RAD51B: variants seen among roughly 807,000 people sequenced by gnomAD.
RAD51B encodes DNA repair protein RAD51 homolog 2.
A neutral mutation model predicts 42.2 loss-of-function variants in RAD51B; 38 were observed. The observed-to-expected ratio is 0.90, with a 90% CI of 0.70 to 1.18. The LOEUF is 1.18. Among genes scored for constraint, RAD51B ranks in the 50% most tolerant of loss-of-function variants. RAD51B has a pLI of 0.00. For synonymous variants in RAD51B, 154 were observed against 145.2 expected (o/e 1.06, Z -0.43); for missense variants, 373 against 400.7 (o/e 0.93, Z 0.59).
At chr14:68,461,483 C>A (rs1231829975) in intron 9 of RAD51B, among the ~76,000 whole-genome samples, 5 of 152,088 alleles carry the variant, frequency 3.3e-5, no homozygotes, top group Non-Finnish European at 7.4e-5. Flanking sequence ...TAGTACAGAA[C>A]CAGGTAGCCT....
At chr14:68,219,091 A>ATAGCTAAAACTCC (rs1215147423) in intron 7 of RAD51B, among the ~76,000 whole-genome samples, 5 of 152,220 alleles carry the variant, frequency 3.3e-5, no homozygotes, top group African/African-American at 7.2e-5. Flanking sequence ...GAACTTCTAA[A>ATAGCTAAAACTCC]TAGCTAAAAC....
chr14:68,107,805 A>T (rs993134970), intron 7 of RAD51B, among the ~76,000 whole-genome samples: 4 of 151,866 alleles, frequency 2.6e-5, no homozygotes, highest in Non-Finnish European at 5.9e-5. Flanking sequence ...AGAACACATC[A>T]AATGGATCAG....
At chr14:68,296,909 T>C (rs1195874492) in intron 8 of RAD51B, among the ~76,000 whole-genome samples, 1 of 152,144 alleles carries the variant, frequency 6.6e-6, no homozygotes, top group Non-Finnish European at 1.5e-5. Context: ...TGTGGATAGG[T>C]CAAGGAAAGA....
chr14:68,049,199 G>C (rs984498227), intron 7 of RAD51B, among the ~76,000 whole-genome samples: 1 of 151,872 alleles, frequency 6.6e-6, no homozygotes, highest in Non-Finnish European at 1.5e-5. Context: ...ACACACTGGG[G>C]CCTGTTGTGG....
intron 8 of RAD51B, among the ~76,000 whole-genome samples, chr14:68,398,816 A>C (rs2084001772): frequency 1.3e-5 from 2 of 152,338 alleles, no homozygotes; most frequent in South Asian, 4.1e-4. Flanking sequence ...ATACAAATGC[A>C]TGCATGATGG....
chr14:68,642,838 G>A (rs775184631), intron 10 of RAD51B, among the ~76,000 whole-genome samples: 11 of 152,194 alleles, frequency 7.2e-5, no homozygotes, highest in South Asian at 2.1e-4. Flanking sequence ...TTTAAATTTC[G>A]TCTAAGATTT....
At position 68,509,628 on chromosome 14, in the gene RAD51B, C is replaced by G. The variant is rs545409953; in HGVS notation, c.1036+41378C>G. Among the ~76,000 whole-genome samples the G allele has an allele frequency of 5.9e-5, 9 of 152,286 alleles. No homozygotes were observed. In the South Asian group the frequency reaches 1.5e-3, roughly 25 times the overall value. ...GAATGGAGTAAATCCTAAATCCATC[C>G]CTTGTTAACAGGCTTGTAAGTGGAA... On this transcript the variant is annotated intron_variant, in intron 10 of 10. Transcript: ENST00000487270.
chr14:68,498,352 C>T (rs935440899), intron 10 of RAD51B, among the ~76,000 whole-genome samples: 2 of 152,246 alleles, frequency 1.3e-5, no homozygotes, highest in African/African-American at 2.4e-5. Context: ...TCTTGCTGTG[C>T]TCTCCATAGC....
chr14:68,584,408 C>T (rs1263136149), intron 10 of RAD51B, among the ~76,000 whole-genome samples: 1 of 152,192 alleles, frequency 6.6e-6, no homozygotes, highest in East Asian at 1.9e-4. Flanking sequence ...CAAGCAAATT[C>T]ATTAATCTTA....
At chr14:68,500,759 G>C (rs1044473601) in intron 10 of RAD51B, among the ~76,000 whole-genome samples, 4 of 152,342 alleles carry the variant, frequency 2.6e-5, no homozygotes, top group Non-Finnish European at 5.9e-5. Flanking sequence ...GAAAAGAGAA[G>C]AACCCCCTGC....
At chr14:68,475,344 G>T (rs1882477187) in intron 10 of RAD51B, among the ~76,000 whole-genome samples, 2 of 152,146 alleles carry the variant, frequency 1.3e-5, no homozygotes, top group Non-Finnish European at 2.9e-5. Flanking sequence ...CAGACGTAAG[G>T]GCTGGGCTTG....
At chr14:68,178,427 C>T (rs781724572) in intron 7 of RAD51B, among the ~76,000 whole-genome samples, 5 of 152,128 alleles carry the variant, frequency 3.3e-5, no homozygotes, top group Non-Finnish European at 7.4e-5. Flanking sequence ...CAGTCTCATG[C>T]ATAAAGAAAC....
At chr14:68,051,331 A>G (rs1042688550) in intron 7 of RAD51B, among the ~76,000 whole-genome samples, 43 of 152,270 alleles carry the variant, frequency 2.8e-4, no homozygotes, top group Non-Finnish European at 5.0e-4. Flanking sequence ...ACTGCAGAGT[A>G]TTTCAACATC....
At chr14:67,880,454 T>C (rs768683644) in intron 5 of RAD51B, among the ~76,000 whole-genome samples, 1 of 152,208 alleles carries the variant, frequency 6.6e-6, no homozygotes, top group Non-Finnish European at 1.5e-5. Flanking sequence ...CTTCAGAATG[T>C]AGTAGAAGTG....
chr14:67,940,414 T>G (rs1321219638), intron 7 of RAD51B, among the ~76,000 whole-genome samples: 1 of 151,968 alleles, frequency 6.6e-6, no homozygotes, highest in Non-Finnish European at 1.5e-5. Context: ...TTTGCTTAGG[T>G]TAAGTTGTGG....
intron 7 of RAD51B, among the ~76,000 whole-genome samples, chr14:68,075,018 A>G (rs570745433): frequency 6.6e-6 from 1 of 152,250 alleles, no homozygotes; most frequent in Admixed American, 6.5e-5. Flanking sequence ...GTAGCCCTGG[A>G]TGGAGCTCAG....
At chr14:68,154,641 C>A (rs2140790780) in intron 7 of RAD51B, among the ~76,000 whole-genome samples, 1 of 152,118 alleles carries the variant, frequency 6.6e-6, no homozygotes, top group Non-Finnish European at 1.5e-5. Context: ...CTTCATGCAA[C>A]ACAACCTAGA....
intron 7 of RAD51B, among the ~76,000 whole-genome samples, chr14:68,121,548 G>A (rs1348894857): frequency 6.6e-6 from 1 of 151,994 alleles, no homozygotes; most frequent in Non-Finnish European, 1.5e-5. Flanking sequence ...GCTTTATAGG[G>A]AATTCCAGAA....
At chr14:68,326,039 T>A in intron 8 of RAD51B, among the ~76,000 whole-genome samples, 1 of 41,432 alleles carries the variant, frequency 2.4e-5, no homozygotes, top group African/African-American at 2.6e-4. Flanking sequence ...TTTTCTTTTC[T>A]TTTTTTTTTT....
Sources: gnomAD v4.1 joint callset for allele counts (sites outside exome capture counted in the v4.1 genomes callset) on GRCh38, gnomAD v4.1.1 for gene constraint, MANE v1.5 for transcripts, NCBI Gene and HGNC (gene_info 2026-07-23, HGNC 2026-07-21) for gene names.